The following FOXN3 variants were observed in gnomAD, a reference collection of about 807,000 sequenced individuals.
The protein encoded by FOXN3 is forkhead box protein N3.
In FOXN3, 7 loss-of-function variants were observed where a neutral mutation model predicts 38.4. The observed-to-expected ratio is 0.18, with a 90% confidence interval of 0.10 to 0.34. FOXN3 has a LOEUF of 0.34. Among genes scored for constraint, FOXN3 ranks in the 10% least tolerant of loss-of-function variants. FOXN3 has a pLI of 1.00. For missense variants in FOXN3, 456 were observed against 613.4 expected (o/e 0.74, Z 2.71); for synonymous variants, 230 against 242.2 (o/e 0.95, Z 0.47).
intron 3 of FOXN3, among the ~76,000 whole-genome samples, chr14:89,344,219 A>G (rs952884052): frequency 2.0e-5 from 3 of 151,536 alleles, no homozygotes; most frequent in Admixed American, 6.6e-5. Context: ...TGATGTCATT[A>G]TTTTTACATT....
chr14:89,360,511 T>G (rs1596215746), intron 2 of FOXN3, among the ~76,000 whole-genome samples: 9 of 112,466 alleles, frequency 8.0e-5, no homozygotes, highest in East Asian at 5.2e-4. Flanking sequence ...GGAAAAACGG[T>G]GAGAGAGAGA....
At chr14:89,334,231 G>A (rs1596191897) in intron 3 of FOXN3, among the ~76,000 whole-genome samples, 2 of 152,042 alleles carry the variant, frequency 1.3e-5, no homozygotes, top group Non-Finnish European at 2.9e-5. Context: ...TAGAAGGGTG[G>A]TTACCAGGGG....
At chr14:89,294,831 A>G (rs1299433548) in intron 3 of FOXN3, among the ~76,000 whole-genome samples, 1 of 152,236 alleles carries the variant, frequency 6.6e-6, no homozygotes, top group African/African-American at 2.4e-5. Context: ...GGCAGCCAGC[A>G]GCCCTCCGGA....
chr14:89,401,895 G>C (rs1453108345), intron 2 of FOXN3, among the ~76,000 whole-genome samples: 4 of 152,192 alleles, frequency 2.6e-5, no homozygotes, highest in Non-Finnish European at 5.9e-5. Flanking sequence ...AGAAAAGGAA[G>C]GGTAATTGGA....
At chr14:89,368,325 T>C (rs750482451) in intron 2 of FOXN3, among the ~76,000 whole-genome samples, 7 of 100,102 alleles carry the variant, frequency 7.0e-5, no homozygotes, top group Non-Finnish European at 1.3e-4. Context: ...AGTGAAACTC[T>C]GTCTCAAAAA....
At chr14:89,370,934 T>C (rs1890300985) in intron 2 of FOXN3, among the ~76,000 whole-genome samples, 1 of 152,230 alleles carries the variant, frequency 6.6e-6, no homozygotes, top group Admixed American at 6.5e-5. Context: ...GAAAGTACTT[T>C]GAGTTTTCCA....
intron 1 of FOXN3, among the ~76,000 whole-genome samples, chr14:89,457,740 C>T (rs1485702616): frequency 2.6e-5 from 4 of 152,064 alleles, no homozygotes; most frequent in Non-Finnish European, 4.4e-5. Flanking sequence ...GAGCCGGGCG[C>T]GGTGGCTCAT....
intron 4 of FOXN3, among the ~76,000 whole-genome samples, chr14:89,248,021 G>A (rs1018128204): frequency 6.6e-6 from 1 of 152,088 alleles, no homozygotes; most frequent in Non-Finnish European, 1.5e-5. Context: ...TTTTGGAATC[G>A]ATATCAATTC....
At chr14:89,342,748 A>AT (rs1365217005) in intron 3 of FOXN3, among the ~76,000 whole-genome samples, 1 of 152,136 alleles carries the variant, frequency 6.6e-6, no homozygotes, top group Non-Finnish European at 1.5e-5. Flanking sequence ...CTTCATATTG[A>AT]TTTTTTTAAA....
intron 4 of FOXN3, among the ~76,000 whole-genome samples, chr14:89,244,437 C>A (rs928949310): frequency 1.3e-5 from 2 of 152,286 alleles, no homozygotes; most frequent in East Asian, 3.9e-4. Flanking sequence ...GTTCACCTAC[C>A]AACTGTCATG....
intron 1 of FOXN3, among the ~76,000 whole-genome samples, chr14:89,518,646 A>G (rs1894255985): frequency 6.6e-6 from 1 of 152,254 alleles, no homozygotes; most frequent in Admixed American, 6.5e-5. Flanking sequence ...GTTTAAACAT[A>G]GGGAGAGATG....
At chr14:89,389,921 AC>A in intron 2 of FOXN3, among the ~76,000 whole-genome samples, 1 of 152,066 alleles carries the variant, frequency 6.6e-6, no homozygotes, top group East Asian at 1.9e-4. Context: ...ACTTTTATAA[AC>A]AAAAAAAAAA....
At chr14:89,353,187 C>T (rs1300449891) in intron 2 of FOXN3, among the ~76,000 whole-genome samples, 1 of 152,162 alleles carries the variant, frequency 6.6e-6, no homozygotes, top group Admixed American at 6.6e-5. Context: ...AGTCTTGCTT[C>T]CTCACTGGTA....
At chr14:89,448,258 C>A (rs1055409809) in intron 1 of FOXN3, among the ~76,000 whole-genome samples, 3 of 152,108 alleles carry the variant, frequency 2.0e-5, no homozygotes, top group African/African-American at 4.8e-5. Flanking sequence ...TCAAAGAGTT[C>A]ATATCATTTC....
chr14:89,356,149 G>C (rs1451123087), intron 2 of FOXN3, among the ~76,000 whole-genome samples: 2 of 152,056 alleles, frequency 1.3e-5, no homozygotes, highest in African/African-American at 4.8e-5. Flanking sequence ...TGTAATCCCA[G>C]CACTTTGGGA....
chr14:89,414,344 A>T, intron 1 of FOXN3, among the ~76,000 whole-genome samples: 1 of 151,716 alleles, frequency 6.6e-6, no homozygotes. Context: ...TGACCCTTCT[A>T]TGTCTCTTAA....
chr14:89,520,011 TTTTTTC>T (rs1444564607), intron 1 of FOXN3, among the ~76,000 whole-genome samples: 42 of 143,722 alleles, frequency 2.9e-4, no homozygotes, highest in African/African-American at 1.2e-3. Context: ...CTTTTTTTCT[TTTTTTC>T]TTTTTTTTTT....
chr14:89,394,936 T>C (rs1405667581), intron 2 of FOXN3, among the ~76,000 whole-genome samples: 1 of 152,206 alleles, frequency 6.6e-6, no homozygotes, highest in East Asian at 1.9e-4. Context: ...GGAGAGGGCT[T>C]TGAAAATCAC....
At chr14:89,215,095 ACTG>A (rs1184271284) in intron 4 of FOXN3, among the ~76,000 whole-genome samples, 1 of 152,172 alleles carries the variant, frequency 6.6e-6, no homozygotes, top group Non-Finnish European at 1.5e-5. Flanking sequence ...ACATAATTAA[ACTG>A]CAGTCAGCAA....
Sources: gnomAD v4.1 joint callset for allele counts (sites outside exome capture counted in the v4.1 genomes callset) on GRCh38, gnomAD v4.1.1 for gene constraint, MANE v1.5 for transcripts, NCBI Gene and HGNC (gene_info 2026-07-23, HGNC 2026-07-21) for gene names.